Variants in DNM1L observed in about 807,000 individuals in gnomAD.
The protein encoded by DNM1L is dynamin 1L, also known as dynamin-1-like protein.
In DNM1L, 33 loss-of-function variants were observed where a neutral mutation model predicts 92.8. The ratio of observed to expected loss-of-function variants is 0.36; its 90% CI spans 0.27 to 0.48. The LOEUF (loss-of-function observed/expected upper bound fraction) is 0.48. Ranked by LOEUF, DNM1L falls within the 20% of genes least tolerant of loss-of-function variation. DNM1L has a pLI of 0.99. For synonymous variants in DNM1L, 284 were observed against 305.0 expected, an observed-to-expected ratio of 0.93 and a Z score of 0.72; for missense variants, 485 against 888.8, an observed-to-expected ratio of 0.55 and a Z score of 5.78.
Position 32,731,545 on chromosome 12 carries a change from A to C in DNM1L, c.1356+34A>C, listed in dbSNP as rs771484865. 6.2e-7 allele frequency: 1 copy of C among 1,612,510 alleles called. No individual in the cohort carries two copies. The highest frequency in any genetic ancestry group is 8.5e-7 in the Non-Finnish European group (1 of 1,179,614). On this transcript the variant is annotated intron_variant, in intron 11 of 19. Coordinates refer to ENST00000549701, the MANE Select transcript of DNM1L (RefSeq NM_012062.5). This position sits in a 1 kb window ranked among gnomAD's most constrained non-coding sequence, Gnocchi z 5.1. ...GAGAAATGTAACAGGTTTCACATGA[A>C]CTAGAAAAGGACATGAAGTGGTGGT...
At chr12:32,720,308 G>A (rs182486885) in intron 7 of DNM1L, among the ~76,000 whole-genome samples, 1 of 152,212 alleles carries the variant, frequency 6.6e-6, no homozygotes, top group East Asian at 1.9e-4. Context: ...AAAATATACA[G>A]TTGACTAAGA....
At chr12:32,688,963 C>T (rs903397574) in intron 1 of DNM1L, among the ~76,000 whole-genome samples, 3 of 152,078 alleles carry the variant, frequency 2.0e-5, no homozygotes, top group African/African-American at 7.2e-5. Context: ...CTTGGGAGAC[C>T]TGGTGGCAAG....
chr12:32,693,175 C>A (rs375674450), intron 1 of DNM1L, among the ~76,000 whole-genome samples: 1 of 152,128 alleles, frequency 6.6e-6, no homozygotes, highest in African/African-American at 2.4e-5. Context: ...TCTGTACTTT[C>A]TATAGTCACA....
At chr12:32,719,593 A>G (rs1953711895) in intron 7 of DNM1L, among the ~76,000 whole-genome samples, 1 of 151,742 alleles carries the variant, frequency 6.6e-6, no homozygotes, top group African/African-American at 2.4e-5. Flanking sequence ...AAAGGTGACA[A>G]GATTTTAATA....
In DNM1L at chr12:32,701,311, T is replaced by G. The variant is rs1200419731; in HGVS notation, c.103-104T>G. The G allele has an allele frequency of 2.8e-6, 3 of 1,074,100 alleles. No individual in the cohort carries two copies. In the Admixed American group the frequency reaches 7.8e-5, roughly 28 times the overall value. 66.5% of individuals were successfully genotyped at this position (1,074,100 alleles called of 1,614,324 possible). ...AAAAAATAGTCTCTGCACTAATTTT[T>G]CCTTTAAAATAATTCTGTATGCTGG... On this transcript the variant is annotated intron_variant, in intron 1 of 19. Transcript: ENST00000549701.
At position 32,734,635 on chromosome 12, in the gene DNM1L, C is replaced by T. The variant is rs186129849; in HGVS notation, c.1539+828C>T. Among the ~76,000 whole-genome samples, 318 of 152,176 alleles carry T rather than the reference C, an allele frequency of 2.1e-3. 1 individual carries two copies. The highest frequency in any genetic ancestry group is 6.9e-3 in the African/African-American group (285 of 41,528). On this transcript the variant is annotated intron_variant, in intron 13 of 19. Transcript: ENST00000549701. ...CAGCCTGGCCAACATGGTGAAACCCCGTCTCTACTAAAAATACAAAAAATT... is the reference window on the plus strand; with the variant it reads ...CAGCCTGGCCAACATGGTGAAACCCTGTCTCTACTAAAAATACAAAAAATT...
intron 9 of DNM1L, among the ~76,000 whole-genome samples, chr12:32,730,147 C>T (rs1326139459): frequency 1.3e-5 from 2 of 151,966 alleles, no homozygotes; most frequent in Admixed American, 6.5e-5. Flanking sequence ...GGGCAGATCA[C>T]GAGGTCAAGA....
At chr12:32,709,246 C>G (rs933484056) in intron 4 of DNM1L, among the ~76,000 whole-genome samples, 2 of 152,034 alleles carry the variant, frequency 1.3e-5, no homozygotes, top group African/African-American at 4.8e-5. Context: ...AAAAAGTGGC[C>G]AGAAACTAGA....
chr12:32,741,956 A>C (rs185564166), intron 18 of DNM1L, among the ~76,000 whole-genome samples: 1 of 152,216 alleles, frequency 6.6e-6, no homozygotes, highest in African/African-American at 2.4e-5. Context: ...TTTTGTGTGA[A>C]TAATACTAGA....
At chr12:32,707,250 C>A in intron 2 of DNM1L, 117 bp from the exon 3 acceptor site, 1 of 766,560 alleles carries the variant, frequency 1.3e-6, no homozygotes, top group Non-Finnish European at 2.2e-6. Context: ...TTAACTTGTA[C>A]TTAATGGCAA....
intron 1 of DNM1L, among the ~76,000 whole-genome samples, chr12:32,691,490 G>A (rs1035910526): frequency 3.3e-5 from 5 of 152,042 alleles, no homozygotes; most frequent in African/African-American, 9.7e-5. Flanking sequence ...TGATCCACCC[G>A]CCTTGGCCTC....
chr12:32,730,937 C>T (rs1261755155), intron 9 of DNM1L, 77 bp from the exon 10 acceptor site: 1 of 1,596,160 alleles, frequency 6.3e-7, no homozygotes, highest in Non-Finnish European at 8.6e-7. Context: ...GAGCTTAAAG[C>T]TTCTAGAAAG....
At chr12:32,729,069 G>A (rs10844326) in intron 9 of DNM1L, 21,450 of 152,154 alleles carry the variant, frequency 0.14, 1,537 homozygotes, top group Middle Eastern at 0.19. Flanking sequence ...GGGATTACAG[G>A]CATGAGCCAC....
chr12:32,688,985 C>G (rs1213997346), intron 1 of DNM1L, among the ~76,000 whole-genome samples: 1 of 152,068 alleles, frequency 6.6e-6, no homozygotes, highest in Admixed American at 6.6e-5. Context: ...CTGCTTGAGC[C>G]CAGGAGGTTG....
chr12:32,741,278 C>T (rs1301744575), intron 18 of DNM1L, among the ~76,000 whole-genome samples: 2 of 152,110 alleles, frequency 1.3e-5, no homozygotes, highest in Non-Finnish European at 2.9e-5. Flanking sequence ...CCTTCCTTGC[C>T]CCCATCCTCT....
chr12:32,688,766 G>A (rs1172846615), intron 1 of DNM1L, among the ~76,000 whole-genome samples: 2 of 152,154 alleles, frequency 1.3e-5, no homozygotes, highest in East Asian at 3.8e-4. Flanking sequence ...TGCCTTATCA[G>A]ATATCTGAAT....
In DNM1L at chr12:32,737,938, G is replaced by A. The variant is rs1205195941; in HGVS notation, c.1670G>A (p.Gly557Asp). 3 of 1,613,722 alleles carry A rather than the reference G, an allele frequency of 1.9e-6. No individual in the cohort carries two copies. The highest frequency in any genetic ancestry group is 1.7e-5 in the Admixed American group (1 of 60,000). ...CCCGCTGCTTCTGCTGAGGCTGATG[G>A]CAAGGTCTGTTCTGATTCTTAATCT... ...PSPAASAEADGKLIQDSRRET... is the reference protein window; with the variant it reads ...PSPAASAEADDKLIQDSRRET... Residue 557 changes from glycine (G) to aspartate (D), a missense_variant, in exon 15 of 20, where the codon GGC becomes GAC. Physicochemically the swap from Gly to Asp is moderately conservative, Grantham distance 94. Transcript: ENST00000549701.
chr12:32,733,884 T>A, intron 13 of DNM1L, 77 bp downstream of exon 13: 2 of 1,261,682 alleles, frequency 1.6e-6, no homozygotes, highest in Admixed American at 1.7e-5. Flanking sequence ...TTATTTAGCA[T>A]GGAGTAACTA....
intron 1 of DNM1L, among the ~76,000 whole-genome samples, chr12:32,700,537 A>G (rs1018670061): frequency 1.3e-5 from 2 of 151,944 alleles, no homozygotes; most frequent in African/African-American, 4.8e-5. Flanking sequence ...GCTTGAGCCC[A>G]GGAGTTTGAG....
Sources: gnomAD v4.1 joint callset for allele counts (sites outside exome capture counted in the v4.1 genomes callset) on GRCh38, gnomAD v4.1.1 for gene constraint, Gnocchi (gnomAD v3.1) non-coding constraint, MANE v1.5 for transcripts, NCBI Gene and HGNC (gene_info 2026-07-23, HGNC 2026-07-21) for gene names.